COL26A1: variants seen among roughly 807,000 people sequenced by gnomAD.
The protein encoded by COL26A1 is collagen type XXVI alpha 1 chain.
A neutral mutation model predicts 59.3 loss-of-function variants in COL26A1; 41 were observed. That is an observed-to-expected ratio of 0.69 (90% CI 0.54 to 0.90). COL26A1 has a LOEUF of 0.90. Ranked by LOEUF, COL26A1 falls within the 40% of genes least tolerant of loss-of-function variation. COL26A1 has a pLI of 0.00. For missense variants in COL26A1, 612 were observed against 602.3 expected (o/e 1.02, Z -0.17); for synonymous variants, 266 against 256.0 (o/e 1.04, Z -0.37).
chr7:101,367,702 C>T (rs1309920978), intron 1 of COL26A1, among the ~76,000 whole-genome samples: 2 of 150,906 alleles, frequency 1.3e-5, no homozygotes, highest in Middle Eastern at 3.4e-3. Context: ...GAAGAGAAAT[C>T]AGAGCTCTCT....
intron 4 of COL26A1, among the ~76,000 whole-genome samples, chr7:101,533,432 A>G (rs1453232382): frequency 6.6e-6 from 1 of 151,888 alleles, no homozygotes; most frequent in African/African-American, 2.4e-5. Flanking sequence ...AAGACAGTGG[A>G]AAGAGGAGGG....
At position 101,420,005 on chromosome 7, in the gene COL26A1, A is replaced by G; in HGVS notation, c.187A>G (p.Thr63Ala). 1 of 1,613,748 alleles carries G rather than the reference A, an allele frequency of 6.2e-7. No individual in the cohort carries two copies. Among genetic ancestry groups the G allele is most frequent in the East Asian group, 2.2e-5 (1 of 44,882 alleles). ...CTGGTGCCATCACACAGTGACACGG[A>G]CGGTGTCCTGCCAGGTGCAGAATGG... Reference protein sequence around the residue: ...RHWCHHTVTRTVSCQVQNGSE... With the variant: ...RHWCHHTVTRAVSCQVQNGSE... Residue 63 changes from threonine (T) to alanine (A), a missense_variant, in exon 2 of 13, where the codon ACG (threonine) becomes GCG (alanine). By Grantham distance (58) the Thr-to-Ala change is moderately conservative. Coordinates refer to ENST00000313669, the MANE Select transcript of COL26A1 (RefSeq NM_001278563.3).
At chr7:101,369,832 G>C (rs1400633656) in intron 1 of COL26A1, among the ~76,000 whole-genome samples, 1 of 151,828 alleles carries the variant, frequency 6.6e-6, no homozygotes, top group Admixed American at 6.6e-5. Flanking sequence ...TCTTCTTGGG[G>C]TACATTTTGA....
chr7:101,425,018 G>C (rs906557140), intron 2 of COL26A1, among the ~76,000 whole-genome samples: 2 of 152,000 alleles, frequency 1.3e-5, no homozygotes, highest in African/African-American at 4.8e-5. Flanking sequence ...GAACTCCTGG[G>C]CTCAAGCAAT....
chr7:101,511,578 C>T (rs545668702), intron 3 of COL26A1, among the ~76,000 whole-genome samples: 7 of 152,346 alleles, frequency 4.6e-5, no homozygotes, highest in South Asian at 2.1e-4. Flanking sequence ...AAGCGCCACA[C>T]GTGGACAAGA....
intron 1 of COL26A1, among the ~76,000 whole-genome samples, chr7:101,390,397 G>A (rs1205620895): frequency 1.3e-5 from 2 of 151,978 alleles, no homozygotes; most frequent in Non-Finnish European, 2.9e-5. Context: ...CAATGTGCTA[G>A]GATTACAGAT....
intron 3 of COL26A1, among the ~76,000 whole-genome samples, chr7:101,507,281 G>A (rs1051561818): frequency 2.6e-5 from 4 of 152,222 alleles, no homozygotes; most frequent in South Asian, 4.2e-4. Context: ...CCAATCTGCC[G>A]TTGAAATCAG....
intron 1 of COL26A1, among the ~76,000 whole-genome samples, chr7:101,409,886 G>A (rs745873814): frequency 4.6e-5 from 7 of 151,912 alleles, no homozygotes; most frequent in South Asian, 2.1e-4. Flanking sequence ...TCAGCCTCCC[G>A]AGTAGCTGGG....
intron 6 of COL26A1, among the ~76,000 whole-genome samples, chr7:101,544,868 G>A (rs1189142798): frequency 6.6e-6 from 1 of 152,132 alleles, no homozygotes; most frequent in African/African-American, 2.4e-5. Flanking sequence ...GTACAGGCAT[G>A]AGCATCGAGG....
rs745987435 is a variant in COL26A1 at position 101,525,502 on chromosome 7, GT to G, written c.386-7568del. Among the ~76,000 whole-genome samples the G allele has an allele frequency of 2.2e-3, 256 of 116,906 alleles. 2 individuals carry two copies. Among genetic ancestry groups the G allele is most frequent in the African/African-American group, 6.5e-3 (200 of 30,756 alleles). The allele number at this position is 116,906 out of a possible 152,430, so 76.7% of individuals were successfully genotyped here. On this transcript the variant is annotated intron_variant, in intron 3 of 12. Transcript: ENST00000313669. The stretch of plus-strand genomic sequence containing the variant: ...GGCCTCTGACTTCACTGTTTTTTTG[GT>G]TTTTTTTTTTTGAGATGGAGTCTCT...
At chr7:101,444,262 A>G (rs1793131395) in intron 2 of COL26A1, among the ~76,000 whole-genome samples, 1 of 151,986 alleles carries the variant, frequency 6.6e-6, no homozygotes, top group African/African-American at 2.4e-5. Flanking sequence ...GCAATATAGC[A>G]CAAAGTGGGT....
chr7:101,523,323 C>G (rs1562787758), intron 3 of COL26A1, among the ~76,000 whole-genome samples: 2 of 152,138 alleles, frequency 1.3e-5, no homozygotes, highest in African/African-American at 4.8e-5. Flanking sequence ...CCTGCCTCAG[C>G]CTCCCAAAGT....
intron 2 of COL26A1, among the ~76,000 whole-genome samples, chr7:101,433,923 G>T (rs1792839548): frequency 6.6e-6 from 1 of 152,114 alleles, no homozygotes; most frequent in Non-Finnish European, 1.5e-5. Context: ...ACATTGAGGT[G>T]CTCAACAATG....
chr7:101,447,915 A>G (rs915917964), intron 3 of COL26A1, 128 bp downstream of exon 3: 8 of 658,112 alleles, frequency 1.2e-5, no homozygotes, highest in African/African-American at 8.9e-5. Context: ...CCTTTTCCCA[A>G]TCGCCTCTGA....
chr7:101,489,805 T>C (rs1263719039), intron 3 of COL26A1, among the ~76,000 whole-genome samples: 57 of 2,136 alleles, frequency 0.027, 12 homozygotes, highest in Non-Finnish European at 0.041. Context: ...TTTCTTTCTT[T>C]CTTTCTTTCT....
At chr7:101,487,423 C>T (rs181821649) in intron 3 of COL26A1, among the ~76,000 whole-genome samples, 1 of 152,280 alleles carries the variant, frequency 6.6e-6, no homozygotes, top group Non-Finnish European at 1.5e-5. Context: ...AGCCAGCATG[C>T]CTCCTCTGCC....
intron 2 of COL26A1, among the ~76,000 whole-genome samples, chr7:101,446,840 C>G (rs901180534): frequency 6.7e-6 from 1 of 149,774 alleles, no homozygotes; most frequent in Non-Finnish European, 1.5e-5. Flanking sequence ...GAGTGAGACT[C>G]TGTCTCAACT....
intron 1 of COL26A1, among the ~76,000 whole-genome samples, chr7:101,412,480 A>C (rs1792265246): frequency 6.6e-6 from 1 of 151,936 alleles, no homozygotes; most frequent in African/African-American, 2.4e-5. Flanking sequence ...CCCCCTCTCT[A>C]CTAAAAGTAT....
At chr7:101,511,495 A>G (rs1433095684) in intron 3 of COL26A1, among the ~76,000 whole-genome samples, 6 of 152,208 alleles carry the variant, frequency 3.9e-5, no homozygotes, top group Admixed American at 3.3e-4. Context: ...CTATCCTAAG[A>G]AAAGGCGGCT....
Sources: gnomAD v4.1 joint callset for allele counts (sites outside exome capture counted in the v4.1 genomes callset) on GRCh38, gnomAD v4.1.1 for gene constraint, MANE v1.5 for transcripts, NCBI Gene and HGNC (gene_info 2026-07-23, HGNC 2026-07-21) for gene names.